HMGCS2: variants seen among roughly 807,000 people sequenced by gnomAD.
HMGCS2 encodes hydroxymethylglutaryl-CoA synthase, mitochondrial.
A neutral mutation model predicts 57.4 loss-of-function variants in HMGCS2; 50 were observed. The ratio of observed to expected loss-of-function variants is 0.87; its 90% confidence interval spans 0.69 to 1.10. The LOEUF (loss-of-function observed/expected upper bound fraction) is 1.10. Ranked by LOEUF, HMGCS2 falls within the 50% of genes least tolerant of loss-of-function variation. The pLI, the probability that HMGCS2 is intolerant of heterozygous loss-of-function variation, is 0.00. For missense variants in HMGCS2, 627 were observed against 636.5 expected (o/e 0.99, Z 0.16); for synonymous variants, 254 against 245.1 (o/e 1.04, Z -0.34).
At position 119,764,641 on chromosome 1, in the gene HMGCS2, A is replaced by G; in HGVS notation, c.105-15T>C. On this transcript the variant is annotated splice_polypyrimidine_tract_variant and intron_variant, in intron 1 of 9. Coordinates refer to ENST00000369406, the MANE Select transcript of HMGCS2 (RefSeq NM_005518.4). ...CTGTAGAAAACCTGTGATGGAGATA[A>G]CAGTCAAACTCCCACTAATGGTCTG... The G allele has an allele frequency of 6.3e-7, 1 of 1,584,414 alleles. No homozygotes were observed. Among genetic ancestry groups the G allele is most frequent in the Non-Finnish European group, 8.7e-7 (1 of 1,155,598 alleles).
chr1:119,765,703 T>A (rs751988060), intron 1 of HMGCS2, among the ~76,000 whole-genome samples: 9 of 152,288 alleles, frequency 5.9e-5, no homozygotes, highest in African/African-American at 9.6e-5. Flanking sequence ...TTATAGGGCA[T>A]AATTATACAA....
At chr1:119,755,837 TAGAA>T (rs1488689239) in intron 5 of HMGCS2, among the ~76,000 whole-genome samples, 2 of 152,156 alleles carry the variant, frequency 1.3e-5, no homozygotes, top group Non-Finnish European at 2.9e-5. Context: ...ACTAGAAAAT[TAGAA>T]AGAAAATCAT....
chr1:119,756,802 C>A (rs1357788161), intron 5 of HMGCS2, among the ~76,000 whole-genome samples: 1 of 152,068 alleles, frequency 6.6e-6, no homozygotes, highest in African/African-American at 2.4e-5. Flanking sequence ...AAATTGCTAC[C>A]CTGTAGTGTG....
chr1:119,756,319 T>C (rs1407093556), intron 5 of HMGCS2, among the ~76,000 whole-genome samples: 2 of 152,196 alleles, frequency 1.3e-5, no homozygotes, highest in African/African-American at 4.8e-5. Flanking sequence ...TCATATCCTT[T>C]GCTCATTTTT....
Position 119,752,621 on chromosome 1 carries a change from C to A in HMGCS2, c.1348G>T (p.Ala450Ser). ...TCAGGAGACACACACTTTCGGGAGG[C>A]TAGGCGTTTTGGCAGGTCTGATGTG... Reference protein sequence around the residue: ...SSTSDLPKRLASRKCVSPEEF... With the variant: ...SSTSDLPKRLSSRKCVSPEEF... The change falls in exon 8 of 10, where the codon GCC becomes TCC. Residue 450 changes from alanine to serine, a missense_variant. Ala to Ser is a moderately conservative substitution (Grantham distance 99). Transcript: ENST00000369406. 6.2e-7 allele frequency: 1 copy of A among 1,613,970 alleles called. No individual in the cohort carries two copies. The highest frequency in any genetic ancestry group is 2.2e-5 in the East Asian group (1 of 44,886).
chr1:119,760,971 A>G (rs1653017398), intron 2 of HMGCS2, among the ~76,000 whole-genome samples: 1 of 152,024 alleles, frequency 6.6e-6, no homozygotes, highest in African/African-American at 2.4e-5. Flanking sequence ...CAGGACTCCA[A>G]CCCAAATTCA....
At chr1:119,764,946 C>T (rs1219969487) in intron 1 of HMGCS2, among the ~76,000 whole-genome samples, 3 of 152,118 alleles carry the variant, frequency 2.0e-5, no homozygotes, top group Non-Finnish European at 4.4e-5. Context: ...ACGTCTTTAT[C>T]TTTAACATAC....
chr1:119,765,479 A>G (rs1429793917), intron 1 of HMGCS2, among the ~76,000 whole-genome samples: 1 of 152,148 alleles, frequency 6.6e-6, no homozygotes, highest in Non-Finnish European at 1.5e-5. Flanking sequence ...CTTTTAGAGT[A>G]AGCAAATATT....
intron 7 of HMGCS2, among the ~76,000 whole-genome samples, chr1:119,752,968 C>A (rs1652712619): frequency 6.6e-6 from 1 of 152,216 alleles, no homozygotes; most frequent in Non-Finnish European, 1.5e-5. Context: ...AATCCATCAA[C>A]TTCTCTTTAA....
rs1237226874 is a variant in HMGCS2, at chr1:119,764,225, C to T, written c.506G>A (p.Gly169Asp). 8 of 1,613,906 alleles carry T rather than the reference C, an allele frequency of 5.0e-6. No homozygotes were observed. In the Admixed American group the frequency reaches 1.3e-4, roughly 27 times the overall value. The change falls in exon 2 of 10, where the codon GGT becomes GAT. Residue 169 changes from glycine to aspartate, a missense_variant. Physicochemically the swap from Gly to Asp is moderately conservative, Grantham distance 94. Transcript: ENST00000369406. Reference sequence around the variant, plus strand: ...GGCAGCATTGAAGAGGGAGGCAGTACCACCGTAGCAGGCATTGGTGGTATC... The same window carrying T: ...GGCAGCATTGAAGAGGGAGGCAGTATCACCGTAGCAGGCATTGGTGGTATC... ...GIDTTNACYG[G>D]TASLFNAANW...
At chr1:119,752,004 GTTTTT>G (rs1652675427) in intron 8 of HMGCS2, among the ~76,000 whole-genome samples, 1 of 47,164 alleles carries the variant, frequency 2.1e-5, no homozygotes, top group South Asian at 1.0e-3. Flanking sequence ...GCAATATTTT[GTTTTT>G]TGTTTTTATG....
At chr1:119,755,879 T>C (rs587709862) in intron 5 of HMGCS2, among the ~76,000 whole-genome samples, 2 of 126,244 alleles carry the variant, frequency 1.6e-5, no homozygotes, top group African/African-American at 5.7e-5. Flanking sequence ...GCATACTTTC[T>C]TAACTTAGTG....
intron 7 of HMGCS2, 142 bp from the exon 8 acceptor site, chr1:119,752,816 A>T: frequency 1.1e-6 from 1 of 918,768 alleles, no homozygotes; most frequent in South Asian, 1.4e-5. Flanking sequence ...AATACCAAGA[A>T]ATGATAAGCA....
intron 2 of HMGCS2, among the ~76,000 whole-genome samples, chr1:119,761,821 A>T (rs1244502715): frequency 6.6e-6 from 1 of 152,198 alleles, no homozygotes; most frequent in Non-Finnish European, 1.5e-5. Flanking sequence ...AAAAAGGCCA[A>T]TAAACAACAT....
chr1:119,758,086 A>C (rs1652909664), intron 4 of HMGCS2, among the ~76,000 whole-genome samples: 1 of 152,270 alleles, frequency 6.6e-6, no homozygotes, highest in Non-Finnish European at 1.5e-5. Context: ...AGAAAGGGAC[A>C]AGAGGTAGCT....
chr1:119,768,824 T>G lies in HMGCS2; in HGVS notation c.21A>C (p.Pro7=), dbSNP rs368678169. ...TTGTCAGTTGCAGAATGCGCTTCAC[T>G]GGAGTCAACAGACGCTGCATCTCCA... MQRLLT[P]VKRILQLTRA... is the part of the protein sequence containing the mutation. Residue 7 remains proline, a synonymous_variant, in exon 1 of 10, where the codon CCA becomes CCC. Transcript: ENST00000369406. 6.2e-7 allele frequency: 1 copy of G among 1,613,826 alleles called. No individual in the cohort carries two copies. Among genetic ancestry groups the G allele is most frequent in the Non-Finnish European group, 8.5e-7 (1 of 1,179,866 alleles).
chr1:119,768,696 A>C, intron 1 of HMGCS2, 45 bp downstream of exon 1: 1 of 1,413,054 alleles, frequency 7.1e-7, no homozygotes, highest in Non-Finnish European at 1.0e-6. Flanking sequence ...GCAGGGAAAA[A>C]CTATCTTTTA....
At chr1:119,751,688 GTGAGCCACTGTGCCC>G (rs1465538530) in intron 8 of HMGCS2, among the ~76,000 whole-genome samples, 3 of 152,218 alleles carry the variant, frequency 2.0e-5, no homozygotes, top group African/African-American at 7.2e-5. Context: ...CATTACAGGC[GTGAGCCACTGTGCCC>G]TGCTCCATTT....
chr1:119,762,823 A>T (rs1237715992), intron 2 of HMGCS2, among the ~76,000 whole-genome samples: 1 of 152,178 alleles, frequency 6.6e-6, no homozygotes, highest in Non-Finnish European at 1.5e-5. Flanking sequence ...TTGCAACCCC[A>T]TCTGTGGAAT....
Sources: allele counts gnomAD v4.1 joint callset (sites outside exome capture counted in the v4.1 genomes callset), GRCh38; gene constraint gnomAD v4.1.1; transcripts MANE v1.5; gene names NCBI Gene and HGNC (gene_info 2026-07-23, HGNC 2026-07-21).